Variants in ASTE1 observed in about 807,000 individuals in gnomAD.
ASTE1 encodes the protein single-strand DNA endonuclease ASTE1.
In ASTE1, 49 loss-of-function variants were observed where a neutral mutation model predicts 45.8. That is an observed-to-expected ratio of 1.07 (90% CI 0.85 to 1.36). ASTE1 has a LOEUF of 1.36. Ranked by LOEUF, ASTE1 falls within the 40% of genes most tolerant of loss-of-function variation. ASTE1 has a pLI of 0.00. For synonymous variants in ASTE1, 296 were observed against 303.9 expected (o/e 0.97, Z 0.27); for missense variants, 709 against 804.0 (o/e 0.88, Z 1.43).
chr3:131,025,533 G>C lies in ASTE1; in HGVS notation c.-85C>G, dbSNP rs1429032617. On this transcript the variant is annotated 5_prime_UTR_variant, in exon 2 of 6. Coordinates refer to ENST00000264992, the MANE Select transcript of ASTE1 (RefSeq NM_014065.4). ...ATTCTCCTTTGCTTTCTGATACAAG[G>C]CACAAATTCAATGGTTTCATGGGTT... 3.0e-6 allele frequency: 2 copies of C among 659,634 alleles called. No individual in the cohort carries two copies. The highest frequency in any genetic ancestry group is 1.8e-5 in the African/African-American group (1 of 54,320). 40.9% of individuals were successfully genotyped at this position (659,634 alleles called of 1,614,324 possible).
At chr3:131,018,842 G>A in intron 3 of ASTE1, 126 bp from the exon 4 acceptor site, 1 of 931,470 alleles carries the variant, frequency 1.1e-6, no homozygotes, top group Non-Finnish European at 1.6e-6. Flanking sequence ...TTATCTTCTT[G>A]TGGGAAAAAA....
chr3:131,023,636 C>CTT, intron 3 of ASTE1, among the ~76,000 whole-genome samples: 1 of 152,168 alleles, frequency 6.6e-6, no homozygotes, highest in Middle Eastern at 3.4e-3. Context: ...TGTCTATACA[C>CTT]TTTTTTTGCA....
chr3:131,025,000 C>A lies in ASTE1; in HGVS notation c.307G>T (p.Ala103Ser). The A allele has an allele frequency of 6.3e-7, 1 of 1,598,580 alleles. No individual in the cohort carries two copies. The highest frequency in any genetic ancestry group is 1.1e-5 in the South Asian group (1 of 88,410). Residue 103 changes from alanine (A) to serine (S), a missense_variant, in exon 3 of 6, where the codon GCC becomes TCC. Ala to Ser is a moderately conservative substitution (Grantham distance 99). Transcript: ENST00000264992. ...KDRAREKIQMAHSLSVGGSGY... is the reference protein window; with the variant it reads ...KDRAREKIQMSHSLSVGGSGY... ...CTCCCACCAACAGAAAGGGAATGGGCCATCTGGATCTTCTCTCTAGCTCTA... is the reference window on the plus strand; with the variant it reads ...CTCCCACCAACAGAAAGGGAATGGGACATCTGGATCTTCTCTCTAGCTCTA...
chr3:131,024,490 G>C lies in ASTE1; in HGVS notation c.817C>G (p.Leu273Val). The C allele has an allele frequency of 6.2e-7, 1 of 1,614,124 alleles. No individual in the cohort carries two copies. Among genetic ancestry groups the C allele is most frequent in the African/African-American group, 1.3e-5 (1 of 75,030 alleles). Residue 273 changes from leucine (L) to valine (V), a missense_variant, in exon 3 of 6, where the codon CTA (leucine) becomes GTA (valine). By Grantham distance (32) the Leu-to-Val change is conservative (BLOSUM62 1). Coordinates refer to ENST00000264992, the MANE Select transcript of ASTE1 (RefSeq NM_014065.4). Reference protein sequence around the residue: ...LSHFANPTEALDNVLKYLPKK... With the variant: ...LSHFANPTEAVDNVLKYLPKK... ...GGGAGGTATTTCAGAACATTATCTA[G>C]TGCTTCGGTAGGGTTGGCAAAATGA...
rs546380933 is a variant in ASTE1, at chr3:131,025,791, AAGGTGTGTAGG to A, written c.-146-208_-146-198del. ...CAAAGCATTTGGGCTTCAGTAAAGT[AAGGTGTGTAGG>A]ACCTATGATAAGGATCAAGTTTTTC... is the stretch of plus-strand genomic sequence containing the variant. On this transcript the variant is annotated intron_variant, in intron 1 of 5. Transcript: ENST00000264992. 2.9e-4 allele frequency among the ~76,000 whole-genome samples: 44 copies of A among 152,368 alleles called. No individual in the cohort carries two copies. In the East Asian group the frequency reaches 6.2e-3, roughly 21 times the overall value.
rs778047194 is a variant in ASTE1 at position 131,025,194 on chromosome 3, C to G, written c.113G>C (p.Arg38Pro). 2.5e-6 allele frequency: 4 copies of G among 1,614,184 alleles called. No homozygotes were observed. In the East Asian group the frequency reaches 8.9e-5, roughly 36 times the overall value. The stretch of plus-strand genomic sequence containing the variant: ...ATCCAAGTTTGAACTGAAGCAAAGA[C>G]GGTGGAAAAGAGCATAACCATCAAT... Reference protein sequence around the residue: ...IVIDGYALFHRLCFSSNLDLR... With the variant: ...IVIDGYALFHPLCFSSNLDLR... Residue 38 changes from arginine to proline, a missense_variant, in exon 3 of 6, where the codon CGT becomes CCT. Coordinates refer to ENST00000264992, the MANE Select transcript of ASTE1 (RefSeq NM_014065.4).
At position 131,024,656 on chromosome 3, in the gene ASTE1, G is replaced by C; in HGVS notation, c.651C>G (p.Leu217=). 6.3e-7 allele frequency: 1 copy of C among 1,594,940 alleles called. No individual in the cohort carries two copies. Among genetic ancestry groups the C allele is most frequent in the South Asian group, 1.1e-5 (1 of 87,216 alleles). The change falls in exon 3 of 6, where the codon CTC becomes CTG. Residue 217 remains leucine (L), a synonymous_variant. Transcript: ENST00000264992. The part of the protein sequence containing the change: ...FSNMNKALLP[L]FAVLCGNDHV... ...GGTCATTTCCACATAGCACCGCAAA[G>C]AGAGGTAGTAGAGCTTTATTCATAT...
rs1456744806 is a variant in ASTE1 at position 131,024,475 on chromosome 3, T to A, written c.832A>T (p.Lys278Ter). Reference protein sequence around the residue: ...NPTEALDNVLKYLPKKDRENV... With the variant: ...NPTEALDNVL ...TCTCGATCCTTTTTTGGGAGGTATT[T>A]CAGAACATTATCTAGTGCTTCGGTA... The change falls in exon 3 of 6, where the codon AAA becomes TAA. Residue 278 changes from lysine (K) to a stop codon, truncating the protein, a stop_gained. Coordinates refer to ENST00000264992, the MANE Select transcript of ASTE1 (RefSeq NM_014065.4). LOFTEE classifies it high-confidence loss of function. The A allele has an allele frequency of 2.0e-5, 32 of 1,614,044 alleles. No homozygotes were observed. Among genetic ancestry groups the A allele is most frequent in the Non-Finnish European group, 2.5e-5 (30 of 1,180,040 alleles).
intron 3 of ASTE1, among the ~76,000 whole-genome samples, chr3:131,019,088 C>T (rs538256127): frequency 2.0e-5 from 3 of 152,346 alleles, no homozygotes; most frequent in African/African-American, 7.2e-5. Context: ...GAGGAATATA[C>T]ATTTTAACTA....
chr3:131,020,586 A>C (rs899882612), intron 3 of ASTE1, among the ~76,000 whole-genome samples: 4 of 152,214 alleles, frequency 2.6e-5, no homozygotes, highest in African/African-American at 7.2e-5. Context: ...TAAAGTTTTT[A>C]TTAACAACAG....
At chr3:131,018,024 A>G (rs1455392692) in intron 4 of ASTE1, among the ~76,000 whole-genome samples, 1 of 151,446 alleles carries the variant, frequency 6.6e-6, no homozygotes, top group African/African-American at 2.4e-5. Context: ...TGCCATCACT[A>G]CTTACATACT....
In ASTE1 at chr3:131,024,215, AT is replaced by A; in HGVS notation, c.1091del (p.Asn364MetfsTer18). 2 of 1,614,202 alleles carry A rather than the reference AT, an allele frequency of 1.2e-6. No homozygotes were observed. The highest frequency in any genetic ancestry group is 1.6e-4 in the Middle Eastern group (1 of 6,062). On this transcript the variant is annotated frameshift_variant, in exon 3 of 6. Transcript: ENST00000264992. LOFTEE classifies it high-confidence loss of function. ...PTQVENMQQP[N>X]AHRISQPIRQ... ...TGATGGGCTGAGATATTCTGTGGGC[AT>A]TTGGTTGCTGCATGTTTTCCACCTG...
At chr3:131,017,086 C>T in intron 4 of ASTE1, 2 of 1,275,500 alleles carry the variant, frequency 1.6e-6, no homozygotes. Flanking sequence ...CATGCCCCTT[C>T]TCTTGGACTC....
chr3:131,015,287 T>C, intron 5 of ASTE1: 1 of 689,984 alleles, frequency 1.4e-6, no homozygotes, highest in Non-Finnish European at 2.6e-6. Flanking sequence ...GACAAGCCCC[T>C]CCCCCCACAG....
chr3:131,026,639 C>G lies in ASTE1; in HGVS notation c.-279G>C, dbSNP rs2063908105. 1 of 152,422 alleles carries G rather than the reference C, an allele frequency of 6.6e-6. No homozygotes were observed. The highest frequency in any genetic ancestry group is 2.4e-5 in the African/African-American group (1 of 41,464). 9.4% of individuals were successfully genotyped at this position (152,422 alleles called of 1,614,324 possible). On this transcript the variant is annotated 5_prime_UTR_variant, in exon 1 of 6. Coordinates refer to ENST00000264992, the MANE Select transcript of ASTE1 (RefSeq NM_014065.4). ...CCCGGTGTGACGTCTCTGGGAAGTA[C>G]AGTTCCGTGATGCCGGTGGCGCCAG...
rs1408092369 is a variant in ASTE1, at chr3:131,014,031, A to G, written c.*26T>C. 1 of 1,474,366 alleles carries G rather than the reference A, an allele frequency of 6.8e-7. No homozygotes were observed. 91.3% of individuals were successfully genotyped at this position (1,474,366 alleles called of 1,614,324 possible). A position where few individuals can be genotyped will look rare whatever the true frequency, so the allele number is the denominator to read the frequency against. On this transcript the variant is annotated 3_prime_UTR_variant, in exon 6 of 6. Coordinates refer to ENST00000264992, the MANE Select transcript of ASTE1 (RefSeq NM_014065.4). ...ATTTTAAGTAAGGATTATATTAAAT[A>G]CATCTAGTTTGATGCAAACTGAGTT...
At chr3:131,017,098 G>A in intron 4 of ASTE1, 1 of 1,237,654 alleles carries the variant, frequency 8.1e-7, no homozygotes, top group Non-Finnish European at 1.1e-6. Flanking sequence ...CTTGGACTCA[G>A]GTAAAAACTT....
chr3:131,016,777 CT>C (rs1296400183), intron 4 of ASTE1: 2 of 345,654 alleles, frequency 5.8e-6, no homozygotes, highest in Admixed American at 8.4e-5. Context: ...ATTTTGACCT[CT>C]GTGTTTTATA....
intron 5 of ASTE1, chr3:131,015,150 A>G (rs1282571902): frequency 5.8e-6 from 4 of 694,980 alleles, no homozygotes; most frequent in Non-Finnish European, 7.9e-6. Flanking sequence ...AGATATATTA[A>G]CAACACTGTT....
Sources: allele counts gnomAD v4.1 joint callset (sites outside exome capture counted in the v4.1 genomes callset), GRCh38; gene constraint gnomAD v4.1.1; transcripts MANE v1.5; gene names NCBI Gene and HGNC (gene_info 2026-07-23, HGNC 2026-07-21).